Variants in ITGA2 observed in about 807,000 individuals in gnomAD.
ITGA2 encodes integrin alpha-2.
In ITGA2, 101 loss-of-function variants were observed where a neutral mutation model predicts 146.3. The ratio of observed to expected loss-of-function variants is 0.69; its 90% CI spans 0.59 to 0.81. The LOEUF (loss-of-function observed/expected upper bound fraction) is 0.81, where lower values mean the gene tolerates loss of function less well. Ranked by LOEUF, ITGA2 falls within the 40% of genes least tolerant of loss-of-function variation. The pLI, the probability that ITGA2 is intolerant of heterozygous loss-of-function variation, is 0.00. For missense variants in ITGA2, 1,281 were observed against 1,402.7 expected (o/e 0.91, Z 1.39); for synonymous variants, 477 against 487.1 (o/e 0.98, Z 0.27).
At chr5:53,059,098 A>G (rs3212534) in intron 10 of ITGA2, among the ~76,000 whole-genome samples, 5,031 of 151,990 alleles carry the variant, frequency 0.033, 132 homozygotes, top group East Asian at 0.074. Flanking sequence ...TCTAAGATAG[A>G]AGAACAAAAA....
intron 17 of ITGA2, 124 bp downstream of exon 17, chr5:53,070,384 G>T: frequency 1.2e-6 from 1 of 836,630 alleles, no homozygotes. Context: ...CCTTTCTTAT[G>T]TAATTCCATA....
chr5:53,042,049 C>T, intron 2 of ITGA2, 63 bp from the exon 3 acceptor site: 1 of 954,666 alleles, frequency 1.0e-6, no homozygotes, highest in Non-Finnish European at 1.7e-6. Flanking sequence ...TGTTTGTGAT[C>T]AGGTTTATCT....
chr5:53,048,481 A>C lies in ITGA2; in HGVS notation c.502+4A>C. ...AGCTTCTCACCTGCAACTCAGCGTA[A>C]GTTATTAATGTGCAGATGGTCTGAG... On this transcript the variant is annotated splice_donor_region_variant and intron_variant, in intron 5 of 29. Transcript: ENST00000296585. 1 of 1,613,732 alleles carries C rather than the reference A, an allele frequency of 6.2e-7. No homozygotes were observed. Among genetic ancestry groups the C allele is most frequent in the Non-Finnish European group, 8.5e-7 (1 of 1,179,640 alleles).
Position 53,084,891 on chromosome 5 carries a change from T to C in ITGA2, c.3258+1438T>C, listed in dbSNP as rs550145028. Among the ~76,000 whole-genome samples, 402 of 152,342 alleles carry C rather than the reference T, an allele frequency of 2.6e-3. 2 individuals are homozygous for C. The highest frequency in any genetic ancestry group is 4.9e-3 in the Non-Finnish European group (335 of 68,032). On this transcript the variant is annotated intron_variant, in intron 27 of 29. Coordinates refer to ENST00000296585, the MANE Select transcript of ITGA2 (RefSeq NM_002203.4). The stretch of plus-strand genomic sequence containing the variant: ...ACATCACTTTAACTGTGAAACTTTT[T>C]AAAGTACCTTCCCAACGATCTTCAG...
chr5:53,042,040 G>C (rs1743824394), intron 2 of ITGA2, 72 bp from the exon 3 acceptor site: 3 of 927,080 alleles, frequency 3.2e-6, no homozygotes, highest in Admixed American at 1.7e-5. Flanking sequence ...GTTTTTCACT[G>C]TTTGTGATCA....
At chr5:53,044,230 G>A (rs3212672) in intron 3 of ITGA2, among the ~76,000 whole-genome samples, 6 of 118,996 alleles carry the variant, frequency 5.0e-5, no homozygotes, top group Non-Finnish European at 9.6e-5. Flanking sequence ...AGCCAAGATC[G>A]CTCCACTGCA....
chr5:53,043,615 A>G lies in ITGA2; in HGVS notation c.296-1386A>G, dbSNP rs3212448. ...AGTTGACCTCCATTTCCAGAAGTTCAGCAGTGAAGGGGGAGCTGGGAAAAA... is the reference window on the plus strand; with the variant it reads ...AGTTGACCTCCATTTCCAGAAGTTCGGCAGTGAAGGGGGAGCTGGGAAAAA... On this transcript the variant is annotated intron_variant, in intron 3 of 29. Transcript: ENST00000296585. Among the ~76,000 whole-genome samples the G allele has an allele frequency of 2.4e-3, 366 of 152,292 alleles. 3 individuals are homozygous for G. The highest frequency in any genetic ancestry group is 8.6e-3 in the African/African-American group (359 of 41,564).
chr5:53,047,400 A>G (rs991756496), intron 4 of ITGA2, among the ~76,000 whole-genome samples: 2 of 152,258 alleles, frequency 1.3e-5, no homozygotes, highest in Middle Eastern at 3.4e-3. Context: ...TTTGGCATTC[A>G]AGGACTCCTG....
intron 1 of ITGA2, among the ~76,000 whole-genome samples, chr5:53,025,140 G>A (rs996891859): frequency 1.3e-5 from 2 of 152,038 alleles, no homozygotes; most frequent in Non-Finnish European, 1.5e-5. Context: ...ATCTCTCCAC[G>A]CTAATATGTT....
rs760658074 is a variant in ITGA2, at chr5:53,051,404, G to C, written c.631-7G>C. Reference sequence around the variant, plus strand: ...CAGCCCATTAATAAATGTCTCCTCTGTTGAAGGTGGGGTTAATTCAGTATG... The same window carrying C: ...CAGCCCATTAATAAATGTCTCCTCTCTTGAAGGTGGGGTTAATTCAGTATG... On this transcript the variant is annotated splice_polypyrimidine_tract_variant and splice_region_variant and intron_variant, in intron 6 of 29. Coordinates refer to ENST00000296585, the MANE Select transcript of ITGA2 (RefSeq NM_002203.4). 6.2e-7 allele frequency: 1 copy of C among 1,612,712 alleles called. No individual in the cohort carries two copies. The highest frequency in any genetic ancestry group is 1.3e-5 in the African/African-American group (1 of 74,866).
chr5:53,083,494 G>T (rs1302265789), intron 27 of ITGA2, 41 bp downstream of exon 27: 5 of 1,211,814 alleles, frequency 4.1e-6, no homozygotes, highest in Non-Finnish European at 6.1e-6. Context: ...CAATAGCAAG[G>T]AAACATAAGT....
chr5:53,084,165 T>C (rs931737517), intron 27 of ITGA2, among the ~76,000 whole-genome samples: 1 of 152,218 alleles, frequency 6.6e-6, no homozygotes, highest in Non-Finnish European at 1.5e-5. Flanking sequence ...AATATAAGGA[T>C]AGACAGGCCT....
Position 53,074,392 on chromosome 5 carries a change from G to A in ITGA2, c.2579G>A (p.Gly860Glu), listed in dbSNP as rs868861610. ...TTCCTTGGTCTTGTTCAGGTTGATGGGACAGAAGTAACATGCCAGGTGGCT... is the reference window on the plus strand; with the variant it reads ...TTCCTTGGTCTTGTTCAGGTTGATGAGACAGAAGTAACATGCCAGGTGGCT... Reference protein sequence around the residue: ...FFASFSLPVDGTEVTCQVAAS... With the variant: ...FFASFSLPVDETEVTCQVAAS... Residue 860 changes from glycine to glutamate, a missense_variant, in exon 21 of 30, where the codon GGG (glycine) becomes GAG (glutamate). By Grantham distance (98) the Gly-to-Glu change is moderately conservative (BLOSUM62 -2). Around this residue, in one of 3 missense-constraint regions of ITGA2, gnomAD observed 475 missense variants for 530.5 expected, o/e 0.90. Coordinates refer to ENST00000296585, the MANE Select transcript of ITGA2 (RefSeq NM_002203.4). 1.2e-6 allele frequency: 2 copies of A among 1,612,072 alleles called. No individual in the cohort carries two copies. Among genetic ancestry groups the A allele is most frequent in the South Asian group, 1.1e-5 (1 of 91,036 alleles).
Position 53,091,038 on chromosome 5 carries a change from TCC to T in ITGA2, c.*440_*441del. 1 of 351,028 alleles carries T rather than the reference TCC, an allele frequency of 2.8e-6. No individual in the cohort carries two copies. The allele number at this position is 351,028 out of a possible 1,614,324, so 21.7% of individuals were successfully genotyped here. The stretch of plus-strand genomic sequence containing the variant: ...TGGAAGTGCTTGATATGTAAGTACT[TCC>T]ACTTGTGTATATTTTAATGAATATT... On this transcript the variant is annotated 3_prime_UTR_variant, in exon 30 of 30. Transcript: ENST00000296585.
Position 53,065,905 on chromosome 5 carries a change from G to C in ITGA2, c.1871G>C (p.Gly624Ala). The C allele has an allele frequency of 6.2e-7, 1 of 1,612,210 alleles. No individual in the cohort carries two copies. The highest frequency in any genetic ancestry group is 8.5e-7 in the Non-Finnish European group (1 of 1,178,810). Residue 624 changes from glycine (G) to alanine (A), a missense_variant, in exon 15 of 30, where the codon GGC becomes GCC. By Grantham distance (60) the Gly-to-Ala change is moderately conservative. Coordinates refer to ENST00000296585, the MANE Select transcript of ITGA2 (RefSeq NM_002203.4). ...HLQYFGRSLDGYGDLNGDSIT... is the reference protein window; with the variant it reads ...HLQYFGRSLDAYGDLNGDSIT... ...CAGTACTTTGGGAGGTCCTTGGATG[G>C]CTATGGAGATTTAAATGGGGATTCC... is the stretch of plus-strand genomic sequence containing the variant.
chr5:53,080,053 C>A (rs1745842516), intron 24 of ITGA2, among the ~76,000 whole-genome samples: 1 of 152,072 alleles, frequency 6.6e-6, no homozygotes, highest in South Asian at 2.1e-4. Context: ...AGTTCCTTGC[C>A]CAAGCCACAC....
chr5:53,057,905 G>T, intron 9 of ITGA2, 120 bp from the exon 10 acceptor site: 1 of 734,650 alleles, frequency 1.4e-6, no homozygotes, highest in Non-Finnish European at 2.5e-6. Flanking sequence ...GTGAGTATTG[G>T]AACAGTGTGT....
chr5:53,019,620 G>T (rs1010731017), intron 1 of ITGA2, among the ~76,000 whole-genome samples: 2 of 152,112 alleles, frequency 1.3e-5, no homozygotes, highest in African/African-American at 4.8e-5. Context: ...CCACCTCCTG[G>T]GTTCAAGCAA....
In ITGA2 at chr5:53,074,446, T is replaced by C; in HGVS notation, c.2633T>C (p.Val878Ala). 1 of 1,612,234 alleles carries C rather than the reference T, an allele frequency of 6.2e-7. No homozygotes were observed. The highest frequency in any genetic ancestry group is 1.1e-5 in the South Asian group (1 of 91,052). ...AASQKSVACD[V>A]GYPALKREQQ... The stretch of plus-strand genomic sequence containing the variant: ...TCTCAGAAGTCTGTTGCCTGCGATG[T>C]AGGCTACCCTGCTTTAAAGAGAGAA... The change falls in exon 21 of 30, where the codon GTA becomes GCA. Residue 878 changes from valine to alanine, a missense_variant. By Grantham distance (64) the Val-to-Ala change is moderately conservative (BLOSUM62 0). Around this residue, in one of 3 missense-constraint regions of ITGA2, gnomAD observed 475 missense variants for 530.5 expected, o/e 0.90. Transcript: ENST00000296585.
Sources: allele counts gnomAD v4.1 joint callset (sites outside exome capture counted in the v4.1 genomes callset), GRCh38; gene constraint gnomAD v4.1.1; regional missense constraint gnomAD v4.1.1; transcripts MANE v1.5; gene names NCBI Gene and HGNC (gene_info 2026-07-23, HGNC 2026-07-21).